KPNA3: variants seen among roughly 807,000 people sequenced by gnomAD.
KPNA3 encodes the protein karyopherin subunit alpha 3, also known as importin subunit alpha-4.
In KPNA3, 13 loss-of-function variants were observed where a neutral mutation model predicts 73.8. That is an observed-to-expected ratio of 0.18 (90% CI 0.11 to 0.28). KPNA3 has a LOEUF of 0.28. Among genes scored for constraint, KPNA3 ranks in the 10% least tolerant of loss-of-function variants. KPNA3 has a pLI of 1.00. For missense variants in KPNA3, 360 were observed against 618.1 expected, an observed-to-expected ratio of 0.58 and a Z score of 4.43; for synonymous variants, 186 against 206.9, an observed-to-expected ratio of 0.90 and a Z score of 0.87.
rs181733713 is a variant in KPNA3 at position 49,700,893 on chromosome 13, T to C, written c.*907A>G. On this transcript the variant is annotated 3_prime_UTR_variant, in exon 17 of 17. Coordinates refer to ENST00000261667, the MANE Select transcript of KPNA3 (RefSeq NM_002267.4). ...ATCACCAATGGGTATTTTAGACTTT[T>C]GCAGTTTTTTTTTGTTTGCTTTTTG... 35 of 152,694 alleles carry C rather than the reference T, an allele frequency of 2.3e-4. No individual in the cohort carries two copies. Among genetic ancestry groups the C allele is most frequent in the African/African-American group, 7.9e-4 (33 of 41,590 alleles). 9.5% of individuals were successfully genotyped at this position (152,694 alleles called of 1,614,324 possible). A position where few individuals can be genotyped will look rare whatever the true frequency, so the allele number is the denominator to read the frequency against.
At chr13:49,712,021 G>C (rs1241493922) in intron 10 of KPNA3, among the ~76,000 whole-genome samples, 1 of 152,114 alleles carries the variant, frequency 6.6e-6, no homozygotes, top group East Asian at 1.9e-4. Context: ...ACAGAAGCTG[G>C]GCCTAAGAGC....
chr13:49,734,152 T>C (rs1195459979), intron 2 of KPNA3, among the ~76,000 whole-genome samples: 1 of 152,246 alleles, frequency 6.6e-6, no homozygotes, highest in Non-Finnish European at 1.5e-5. Context: ...CTACTTGCTA[T>C]AAATTTGTCT....
chr13:49,775,162 CAAAAAAA>C (rs60494803), intron 1 of KPNA3, among the ~76,000 whole-genome samples: 20 of 93,068 alleles, frequency 2.1e-4, no homozygotes, highest in African/African-American at 5.9e-4. Context: ...GACTCTGTCT[CAAAAAAA>C]AAAAAAAAAA....
At chr13:49,728,670 G>A (rs2137550389) in intron 6 of KPNA3, among the ~76,000 whole-genome samples, 1 of 152,268 alleles carries the variant, frequency 6.6e-6, no homozygotes, top group East Asian at 1.9e-4. Flanking sequence ...AAGTTTTTGG[G>A]GATGCTCAAG....
At chr13:49,734,767 T>C (rs941680451) in intron 2 of KPNA3, among the ~76,000 whole-genome samples, 1 of 152,166 alleles carries the variant, frequency 6.6e-6, no homozygotes, top group African/African-American at 2.4e-5. Context: ...TACATGTGTC[T>C]ATTAGTTAAA....
In KPNA3 at chr13:49,731,840, T is replaced by C. The variant is rs147013507; in HGVS notation, c.383+531A>G. Among the ~76,000 whole-genome samples the C allele has an allele frequency of 4.3e-3, 656 of 152,286 alleles. 6 individuals are homozygous for C. The highest frequency in any genetic ancestry group is 0.015 in the African/African-American group (622 of 41,566). ...TTTTACTCCTTCTCTCCTGGGTAAA[T>C]ATAACCTGTCCCCTTATTCTTAATT... On this transcript the variant is annotated intron_variant, in intron 6 of 16. Coordinates refer to ENST00000261667, the MANE Select transcript of KPNA3 (RefSeq NM_002267.4).
chr13:49,715,393 A>C (rs1466682566), intron 10 of KPNA3, among the ~76,000 whole-genome samples: 3 of 152,206 alleles, frequency 2.0e-5, no homozygotes, highest in Non-Finnish European at 4.4e-5. Flanking sequence ...AATGGCCCTT[A>C]AACAAATGAA....
In KPNA3 at chr13:49,705,761, T is replaced by C; in HGVS notation, c.1232A>G (p.Asn411Ser). ...KDQVEYLVQQ[N>S]VIPPFCNLLS... Reference sequence around the variant, plus strand: ...TAAATTACAGAACGGTGGTATTACATTCTGCTGTACAAGGTACTCAACCTA... The same window carrying C: ...TAAATTACAGAACGGTGGTATTACACTCTGCTGTACAAGGTACTCAACCTA... Residue 411 changes from asparagine to serine, a missense_variant, in exon 15 of 17, where the codon AAT becomes AGT. Physicochemically the swap from Asn to Ser is conservative, Grantham distance 46. This residue lies in a region of KPNA3 where 287 missense variants were observed against 549.1 expected (regional missense o/e 0.52). Transcript: ENST00000261667. 6.2e-7 allele frequency: 1 copy of C among 1,613,454 alleles called. No homozygotes were observed. The highest frequency in any genetic ancestry group is 8.5e-7 in the Non-Finnish European group (1 of 1,179,518).
intron 2 of KPNA3, among the ~76,000 whole-genome samples, chr13:49,744,807 TGGATGTCA>T (rs1284502918): frequency 6.6e-6 from 1 of 152,202 alleles, no homozygotes; most frequent in Non-Finnish European, 1.5e-5. Context: ...TACAGGAGAA[TGGATGTCA>T]GGAACTATAT....
chr13:49,757,175 G>C (rs187831892), intron 1 of KPNA3, among the ~76,000 whole-genome samples: 1 of 152,082 alleles, frequency 6.6e-6, no homozygotes, highest in East Asian at 1.9e-4. Flanking sequence ...AACAGAAATA[G>C]TTGGTAAACT....
chr13:49,769,732 T>C (rs189198401), intron 1 of KPNA3, among the ~76,000 whole-genome samples: 39 of 152,364 alleles, frequency 2.6e-4, no homozygotes, highest in Non-Finnish European at 4.6e-4. Flanking sequence ...GATAATGCTA[T>C]AACAAGCATT....
intron 2 of KPNA3, among the ~76,000 whole-genome samples, chr13:49,743,173 T>C (rs1399315234): frequency 2.0e-5 from 3 of 152,128 alleles, no homozygotes; most frequent in Admixed American, 1.3e-4. Context: ...ACAGATGATA[T>C]CCACTAGTTT....
intron 1 of KPNA3, among the ~76,000 whole-genome samples, chr13:49,784,186 T>C (rs1208885022): frequency 6.6e-6 from 1 of 152,140 alleles, no homozygotes; most frequent in East Asian, 1.9e-4. Context: ...ATCGTGTCAC[T>C]GCACTCCAGC....
chr13:49,767,132 A>G (rs551295372), intron 1 of KPNA3, among the ~76,000 whole-genome samples: 1 of 152,162 alleles, frequency 6.6e-6, no homozygotes, highest in South Asian at 2.1e-4. Flanking sequence ...AATAATATCA[A>G]TTAGGCCTGT....
intron 15 of KPNA3, 63 bp from the exon 16 acceptor site, chr13:49,702,543 C>T (rs12877931): frequency 0.27 from 217,989 of 793,686 alleles, 33,287 homozygotes; most frequent in Admixed American, 0.32. Context: ...ATCAAAACCA[C>T]ACTCATTTTA....
intron 2 of KPNA3, among the ~76,000 whole-genome samples, chr13:49,735,820 T>C (rs1471249578): frequency 6.6e-6 from 1 of 152,172 alleles, no homozygotes; most frequent in African/African-American, 2.4e-5. Context: ...GCTTTGTAGG[T>C]CAAAGCAGTT....
chr13:49,708,719 A>G lies in KPNA3; in HGVS notation c.1032+853T>C, dbSNP rs1345470711. Among the ~76,000 whole-genome samples the G allele has an allele frequency of 2.0e-5, 3 of 152,264 alleles. No homozygotes were observed. The South Asian group carries it at 6.2e-4, about 31-fold the overall frequency. On this transcript the variant is annotated intron_variant, in intron 12 of 16. Coordinates refer to ENST00000261667, the MANE Select transcript of KPNA3 (RefSeq NM_002267.4). ...CATAGAAAGAATAAAGTTCTGACAC[A>G]TGCTGCAAAATGAATGAACCTTGAA... is the stretch of plus-strand genomic sequence containing the variant.
chr13:49,776,689 C>CAATAAAT, intron 1 of KPNA3, among the ~76,000 whole-genome samples: 1 of 152,104 alleles, frequency 6.6e-6, no homozygotes, highest in Non-Finnish European at 1.5e-5. Context: ...ATACAAGGAT[C>CAATAAAT]ATTCCCAAAA....
At chr13:49,744,713 A>AT (rs1360876257) in intron 2 of KPNA3, among the ~76,000 whole-genome samples, 1 of 152,072 alleles carries the variant, frequency 6.6e-6, no homozygotes, top group Non-Finnish European at 1.5e-5. Context: ...CCTCAGGTGA[A>AT]TTTTTTGAAA....
Sources: allele counts gnomAD v4.1 joint callset (sites outside exome capture counted in the v4.1 genomes callset), GRCh38; gene constraint gnomAD v4.1.1; regional missense constraint gnomAD v4.1.1; transcripts MANE v1.5; gene names NCBI Gene and HGNC (gene_info 2026-07-23, HGNC 2026-07-21).